The following NECAB2 variants were observed in gnomAD, a reference collection of about 807,000 sequenced individuals.
NECAB2 encodes N-terminal EF-hand calcium-binding protein 2.
In NECAB2, 68 loss-of-function variants were observed where a neutral mutation model predicts 51.9. The ratio of observed to expected loss-of-function variants is 1.31; its 90% confidence interval spans 1.08 to 1.60. The LOEUF (loss-of-function observed/expected upper bound fraction) is 1.60, where lower values mean the gene tolerates loss of function less well. Among genes scored for constraint, NECAB2 ranks in the 40% most tolerant of loss-of-function variants. The pLI is 0.00. For synonymous variants in NECAB2, 329 were observed against 203.5 expected, an observed-to-expected ratio of 1.62 and a Z score of -5.25; for missense variants, 854 against 490.3, an observed-to-expected ratio of 1.74 and a Z score of -7.00.
chr16:83,980,530 C>T (rs1312592710), intron 3 of NECAB2, among the ~76,000 whole-genome samples: 2 of 152,118 alleles, frequency 1.3e-5, no homozygotes, highest in Non-Finnish European at 2.9e-5. Flanking sequence ...GGTCCCCACT[C>T]TCTGTCCCTT....
At chr16:83,992,773 T>C (rs1597217786) in intron 6 of NECAB2, among the ~76,000 whole-genome samples, 1 of 152,186 alleles carries the variant, frequency 6.6e-6, no homozygotes, top group Non-Finnish European at 1.5e-5. Context: ...CTAGAATCCC[T>C]GGACTGGAGC....
chr16:84,000,557 C>T (rs528320790), intron 10 of NECAB2, among the ~76,000 whole-genome samples, 167 bp from the exon 11 acceptor site: 4 of 152,122 alleles, frequency 2.6e-5, no homozygotes, highest in Non-Finnish European at 5.9e-5. Flanking sequence ...GGCCTTATTC[C>T]CTGTGCTGGG....
intron 1 of NECAB2, 59 bp downstream of exon 1, chr16:83,968,908 C>T: frequency 9.7e-7 from 1 of 1,033,556 alleles, no homozygotes; most frequent in Non-Finnish European, 1.2e-6. Flanking sequence ...GGAGCCCCCT[C>T]CGCCCCTCGG....
upstream of NECAB2, chr16:83,965,395 C>G (rs3743627): frequency 0.068 from 106,888 of 1,574,510 alleles, 5,271 homozygotes; most frequent in African/African-American, 0.24. Flanking sequence ...CCCTGGAGGC[C>G]GCCACAAGGG....
chr16:83,986,679 ATTTTTT>A (rs113038465), intron 5 of NECAB2, among the ~76,000 whole-genome samples: 2 of 135,108 alleles, frequency 1.5e-5, no homozygotes, highest in East Asian at 2.2e-4. Flanking sequence ...CTCACGGCAA[ATTTTTT>A]TTTTTTTTTT....
chr16:84,000,058 ATTTTTTT>A (rs780319058), intron 10 of NECAB2, among the ~76,000 whole-genome samples: 6 of 118,224 alleles, frequency 5.1e-5, no homozygotes, highest in Non-Finnish European at 7.8e-5. Flanking sequence ...AGCAAGTTTT[ATTTTTTT>A]TTTTTTTAAA....
intron 9 of NECAB2, among the ~76,000 whole-genome samples, chr16:83,997,643 A>C (rs979395033): frequency 1.3e-5 from 2 of 151,684 alleles, no homozygotes; most frequent in East Asian, 1.9e-4. Flanking sequence ...GTGTGCCACC[A>C]CGCCTGGCTA....
At chr16:83,973,551 C>T (rs922147916) in intron 2 of NECAB2, among the ~76,000 whole-genome samples, 1 of 152,172 alleles carries the variant, frequency 6.6e-6, no homozygotes, top group African/African-American at 2.4e-5. Flanking sequence ...TCTGGAAAAA[C>T]AGCCGTAGCA....
chr16:83,984,503 G>C (rs1467908585), intron 5 of NECAB2, among the ~76,000 whole-genome samples: 3 of 151,308 alleles, frequency 2.0e-5, no homozygotes, highest in Non-Finnish European at 4.4e-5. Flanking sequence ...CGGGAGGATC[G>C]CTTGAGCCCA....
chr16:83,999,360 G>T (rs2084775890), intron 10 of NECAB2, among the ~76,000 whole-genome samples: 1 of 152,216 alleles, frequency 6.6e-6, no homozygotes, highest in Non-Finnish European at 1.5e-5. Context: ...ATAAGTGGGA[G>T]GCTCCAGGGT....
intron 5 of NECAB2, among the ~76,000 whole-genome samples, chr16:83,986,671 C>G (rs1234863941): frequency 6.8e-6 from 1 of 147,226 alleles, no homozygotes; most frequent in Non-Finnish European, 1.5e-5. Context: ...TGCCACCACT[C>G]ACGGCAAATT....
At chr16:83,972,077 G>T in intron 1 of NECAB2, 74 bp from the exon 2 acceptor site, 17 of 1,593,282 alleles carry the variant, frequency 1.1e-5, no homozygotes, top group Non-Finnish European at 1.2e-5. Context: ...AAGGATCCCA[G>T]TATCCGGTCA....
intron 5 of NECAB2, among the ~76,000 whole-genome samples, 172 bp from the exon 6 acceptor site, chr16:83,990,322 G>T (rs976606506): frequency 2.6e-5 from 4 of 152,200 alleles, no homozygotes; most frequent in Non-Finnish European, 2.9e-5. Context: ...TAGCCTCTGC[G>T]TTGGAAATGC....
At chr16:83,968,067 T>C (rs1426592459), upstream of NECAB2, among the ~76,000 whole-genome samples, 1 of 151,342 alleles carries the variant, frequency 6.6e-6, no homozygotes, top group Non-Finnish European at 1.5e-5. Flanking sequence ...TGTTCTGGGG[T>C]GAAGACTGGT....
rs1185292500 is a variant in NECAB2 at position 83,998,391 on chromosome 16, C to G, written c.962+74C>G. 6.3e-6 allele frequency: 9 copies of G among 1,426,078 alleles called. No individual in the cohort carries two copies. The Admixed American group carries it at 1.5e-4, about 23-fold the overall frequency. 88.3% of individuals were successfully genotyped at this position (1,426,078 alleles called of 1,614,324 possible). A position where few individuals can be genotyped will look rare whatever the true frequency, so the allele number is the denominator to read the frequency against. ...CTGGCAGTGGAGGAACAGGGCAGGA[C>G]TAGGCTTTGCCCTAAGTAGTACAAG... On this transcript the variant is annotated intron_variant, in intron 10 of 12. Transcript: ENST00000305202.
At chr16:84,002,225 C>CA (rs113980838) in intron 12 of NECAB2, 93 bp from the exon 13 acceptor site, 53,874 of 1,481,320 alleles carry the variant, frequency 0.036, 1,360 homozygotes, top group Admixed American at 0.11. Context: ...GACTCAAAGC[C>CA]ATCCCCCGAC....
intron 5 of NECAB2, among the ~76,000 whole-genome samples, chr16:83,982,767 G>C (rs1408734394): frequency 6.6e-6 from 1 of 152,200 alleles, no homozygotes; most frequent in East Asian, 1.9e-4. Flanking sequence ...ATGTGCGTAT[G>C]ATGTCAGGGG....
At chr16:83,992,381 C>G (rs1460102254) in intron 6 of NECAB2, among the ~76,000 whole-genome samples, 2 of 145,188 alleles carry the variant, frequency 1.4e-5, no homozygotes, top group East Asian at 2.1e-4. Context: ...CACCCGTCCC[C>G]CCGCCCACCT....
chr16:83,986,173 C>A (rs866475498), intron 5 of NECAB2, among the ~76,000 whole-genome samples: 2 of 152,120 alleles, frequency 1.3e-5, no homozygotes, highest in African/African-American at 4.8e-5. Context: ...TGCACCACCA[C>A]GCCCGGCTAA....
Sources: allele counts gnomAD v4.1 joint callset (sites outside exome capture counted in the v4.1 genomes callset), GRCh38; gene constraint gnomAD v4.1.1; transcripts MANE v1.5; gene names NCBI Gene and HGNC (gene_info 2026-07-23, HGNC 2026-07-21).